Variants in ZNF462 observed in about 807,000 individuals in gnomAD.
ZNF462 encodes zinc finger protein 462.
Under a neutral mutation model 201.9 loss-of-function variants are expected in ZNF462, and 10 were observed. That is an observed-to-expected ratio of 0.05 (90% confidence interval 0.03 to 0.08). The LOEUF (loss-of-function observed/expected upper bound fraction) is 0.08, where lower values mean the gene tolerates loss of function less well. ZNF462 is among the 10% of genes least tolerant of loss of function. ZNF462 has a pLI of 1.00. For synonymous variants in ZNF462, 1,227 were observed against 1,193.3 expected, an observed-to-expected ratio of 1.03 and a Z score of -0.58; for missense variants, 2,523 against 3,168.3, an observed-to-expected ratio of 0.80 and a Z score of 4.89.
At chr9:106,931,608 G>T (rs1029052828) in intron 4 of ZNF462, among the ~76,000 whole-genome samples, 5 of 152,152 alleles carry the variant, frequency 3.3e-5, no homozygotes, top group African/African-American at 1.2e-4. Context: ...ACACCACTGC[G>T]GTGTGTCCCA....
At position 106,984,626 on chromosome 9, in the gene ZNF462, C is replaced by G. The variant is rs540192690; in HGVS notation, c.7056+217C>G. 6.6e-6 allele frequency among the ~76,000 whole-genome samples: 1 copy of G among 152,306 alleles called. No individual in the cohort carries two copies. The highest frequency in any genetic ancestry group is 1.5e-5 in the Non-Finnish European group (1 of 68,018). ...GGTGGAAGGGAAATCACCCATAATT[C>G]TACCACACTAGTCCAAATGCTGAAC... On this transcript the variant is annotated intron_variant, in intron 10 of 12. Transcript: ENST00000277225. This position sits in a 1 kb window ranked among gnomAD's most constrained non-coding sequence, Gnocchi z 6.4.
At position 106,950,805 on chromosome 9, in the gene ZNF462, T is replaced by C. The variant is rs1192810990; in HGVS notation, c.6427+11698T>C. 6.6e-6 allele frequency among the ~76,000 whole-genome samples: 1 copy of C among 152,122 alleles called. No individual in the cohort carries two copies. Among genetic ancestry groups the C allele is most frequent in the Non-Finnish European group, 1.5e-5 (1 of 68,012 alleles). ...ACAATAACTCTTTAAAAAATTAAGT[T>C]CAGGCCAGGCGTGGTGGCTCGCACC... On this transcript the variant is annotated intron_variant, in intron 7 of 12. Coordinates refer to ENST00000277225, the MANE Select transcript of ZNF462 (RefSeq NM_021224.6). This position sits in a 1 kb window ranked among gnomAD's most constrained non-coding sequence, Gnocchi z 4.1.
chr9:106,884,075 A>G (rs1828215679), intron 1 of ZNF462, among the ~76,000 whole-genome samples: 1 of 152,234 alleles, frequency 6.6e-6, no homozygotes, highest in Admixed American at 6.5e-5. Flanking sequence ...TGTGGTATGC[A>G]GCAGTGATTC....
intron 7 of ZNF462, among the ~76,000 whole-genome samples, chr9:106,945,875 G>T (rs1831082812): frequency 6.6e-6 from 1 of 152,226 alleles, no homozygotes; most frequent in Non-Finnish European, 1.5e-5. Context: ...CTCTGCCTCA[G>T]TGGCAAAGAG....
chr9:107,003,623 A>G lies in ZNF462; in HGVS notation c.7189+197A>G, dbSNP rs1292467871. On this transcript the variant is annotated intron_variant, in intron 11 of 12. Coordinates refer to ENST00000277225, the MANE Select transcript of ZNF462 (RefSeq NM_021224.6). This position sits in a 1 kb window ranked among gnomAD's most constrained non-coding sequence, Gnocchi z 4.4. Reference sequence around the variant, plus strand: ...TTACCAGCTATAGAAACGCCAAGGAAAACAGACATTTTCTCCCTAATTATA... The same window carrying G: ...TTACCAGCTATAGAAACGCCAAGGAGAACAGACATTTTCTCCCTAATTATA... Among the ~76,000 whole-genome samples the G allele has an allele frequency of 6.6e-6, 1 of 152,188 alleles. No individual in the cohort carries two copies. The highest frequency in any genetic ancestry group is 1.5e-5 in the Non-Finnish European group (1 of 68,026).
At chr9:106,873,639 G>A (rs1406141968) in intron 1 of ZNF462, among the ~76,000 whole-genome samples, 1 of 152,070 alleles carries the variant, frequency 6.6e-6, no homozygotes, top group Non-Finnish European at 1.5e-5. Flanking sequence ...CCCTTTTTGT[G>A]ATCACCATGT....
chr9:106,944,928 G>A (rs761020441), intron 7 of ZNF462, among the ~76,000 whole-genome samples: 36 of 152,144 alleles, frequency 2.4e-4, no homozygotes, highest in Admixed American at 1.7e-3. Flanking sequence ...CCATTGTAAC[G>A]TGAAAGTAGC....
Position 106,902,516 on chromosome 9 carries a change from T to TGAA in ZNF462, c.-30-20837_-30-20836insAAG, listed in dbSNP as rs1391099885. On this transcript the variant is annotated intron_variant, in intron 1 of 12. Transcript: ENST00000277225. This position sits in a 1 kb window ranked among gnomAD's most constrained non-coding sequence, Gnocchi z 4.2. ...GGACTGGTACAAATTCTTTTTTGAA[T>TGAA]GTCTCGTAGAATTCTGCTGTGAATC... Among the ~76,000 whole-genome samples, 1 of 152,172 alleles carries TGAA rather than the reference T, an allele frequency of 6.6e-6. No individual in the cohort carries two copies. Among genetic ancestry groups the TGAA allele is most frequent in the Non-Finnish European group, 1.5e-5 (1 of 67,994 alleles).
chr9:106,900,711 C>G (rs1487344633), intron 1 of ZNF462, among the ~76,000 whole-genome samples: 1 of 152,076 alleles, frequency 6.6e-6, no homozygotes, highest in Non-Finnish European at 1.5e-5. Flanking sequence ...TATTCATGTC[C>G]TTCACCTACT....
Position 107,006,820 on chromosome 9 carries a change from A to C in ZNF462, c.7190-2725A>C, listed in dbSNP as rs1368224573. On this transcript the variant is annotated intron_variant, in intron 11 of 12. Coordinates refer to ENST00000277225, the MANE Select transcript of ZNF462 (RefSeq NM_021224.6). This position sits in a 1 kb window ranked among gnomAD's most constrained non-coding sequence, Gnocchi z 4.3. ...AAAACCCTGTGCCTGTATTAACCTG[A>C]AAAATACATGGACAAATAAAACATC... is the stretch of plus-strand genomic sequence containing the variant. 6.6e-6 allele frequency among the ~76,000 whole-genome samples: 1 copy of C among 152,196 alleles called. No individual in the cohort carries two copies. Among genetic ancestry groups the C allele is most frequent in the Non-Finnish European group, 1.5e-5 (1 of 68,034 alleles).
At position 106,927,480 on chromosome 9, in the gene ZNF462, A is replaced by G. The variant is rs373555151; in HGVS notation, c.3568A>G (p.Asn1190Asp). 5.0e-5 allele frequency: 81 copies of G among 1,613,446 alleles called. No homozygotes were observed. The highest frequency in any genetic ancestry group is 8.3e-5 in the Admixed American group (5 of 59,956). The change falls in exon 3 of 13, where the codon AAT becomes GAT. Residue 1190 changes from asparagine to aspartate, a missense_variant. Physicochemically the swap from Asn to Asp is conservative, Grantham distance 23. Coordinates refer to ENST00000277225, the MANE Select transcript of ZNF462 (RefSeq NM_021224.6). ...TGAGAGAGATGGCCCTCCTGTGGAG[A>G]ATGAGATGTTCTTTTGCCAGCACTG... ...SSERDGPPVE[N>D]EMFFCQHCDY...
In ZNF462 at chr9:106,930,752, A is replaced by G. The variant is rs547666514; in HGVS notation, c.6012+63A>G. 5.7e-6 allele frequency: 9 copies of G among 1,589,160 alleles called. No homozygotes were observed. Among genetic ancestry groups the G allele is most frequent in the African/African-American group, 1.3e-5 (1 of 74,606 alleles). On this transcript the variant is annotated intron_variant, in intron 4 of 12. Transcript: ENST00000277225. This position sits in a 1 kb window ranked among gnomAD's most constrained non-coding sequence, Gnocchi z 5.8. ...GCGATTCGAGTTACTTATTAACCCCATTGCCTAAAGCAGCTCAGGAAAGAG... is the reference window on the plus strand; with the variant it reads ...GCGATTCGAGTTACTTATTAACCCCGTTGCCTAAAGCAGCTCAGGAAAGAG...
chr9:106,873,377 G>A (rs1827683041), intron 1 of ZNF462, among the ~76,000 whole-genome samples: 1 of 151,410 alleles, frequency 6.6e-6, no homozygotes, highest in Admixed American at 6.6e-5. Flanking sequence ...AGAAAAAAAG[G>A]AGCCACCTAC....
chr9:106,864,086 CTCTCT>C (rs1827201123), intron 1 of ZNF462, among the ~76,000 whole-genome samples: 4 of 134,664 alleles, frequency 3.0e-5, no homozygotes, highest in Admixed American at 1.5e-4. Flanking sequence ...CTCTCTCTCT[CTCTCT>C]CTCTCTCTCT....
rs910708973 is a variant in ZNF462, at chr9:106,933,709, A to G, written c.6116+1160A>G. 4.6e-5 allele frequency among the ~76,000 whole-genome samples: 7 copies of G among 152,214 alleles called. No individual in the cohort carries two copies. Among genetic ancestry groups the G allele is most frequent in the African/African-American group, 1.7e-4 (7 of 41,446 alleles). ...TCTTTGAAAATATCAGTAAAATACTATGATGTGTCAAAGAAGAGAAATGTT... is the reference window on the plus strand; with the variant it reads ...TCTTTGAAAATATCAGTAAAATACTGTGATGTGTCAAAGAAGAGAAATGTT... On this transcript the variant is annotated intron_variant, in intron 5 of 12. Coordinates refer to ENST00000277225, the MANE Select transcript of ZNF462 (RefSeq NM_021224.6). The surrounding 1 kb of genome is among the most constrained non-coding windows in gnomAD (Gnocchi z 4.3).
In ZNF462 at chr9:106,895,580, G is replaced by A. The variant is rs970057096; in HGVS notation, c.-30-27774G>A. Among the ~76,000 whole-genome samples, 12 of 152,268 alleles carry A rather than the reference G, an allele frequency of 7.9e-5. No individual in the cohort carries two copies. Among genetic ancestry groups the A allele is most frequent in the African/African-American group, 2.4e-4 (10 of 41,548 alleles). ...TGATAAGAGATCCCTGTTTCTGTCCGAATGAAGGGAGGGAGGGAAGGCTCT... is the reference window on the plus strand; with the variant it reads ...TGATAAGAGATCCCTGTTTCTGTCCAAATGAAGGGAGGGAGGGAAGGCTCT... On this transcript the variant is annotated intron_variant, in intron 1 of 12. Coordinates refer to ENST00000277225, the MANE Select transcript of ZNF462 (RefSeq NM_021224.6). This position sits in a 1 kb window ranked among gnomAD's most constrained non-coding sequence, Gnocchi z 4.4.
Position 106,925,057 on chromosome 9 carries a change from T to C in ZNF462, c.1145T>C (p.Met382Thr). The C allele has an allele frequency of 6.2e-7, 1 of 1,614,176 alleles. No homozygotes were observed. Among genetic ancestry groups the C allele is most frequent in the South Asian group, 1.1e-5 (1 of 91,084 alleles). Residue 382 changes from methionine (M) to threonine (T), a missense_variant, in exon 3 of 13, where the codon ATG becomes ACG. This residue lies in a region of ZNF462 where 480 missense variants were observed against 544.4 expected (regional missense o/e 0.88). Coordinates refer to ENST00000277225, the MANE Select transcript of ZNF462 (RefSeq NM_021224.6). This position sits in a 1 kb window ranked among gnomAD's most constrained non-coding sequence, Gnocchi z 7.9. ...TCTGCTGACCTGGAAACTAACAGCA[T>C]GCTAAATGACTCTAGTTCTGATGAA... Reference protein sequence around the residue: ...NSSADLETNSMLNDSSSDEEL... With the variant: ...NSSADLETNSTLNDSSSDEEL...
At chr9:106,971,375 A>AAAACAAC (rs1554713163) in intron 7 of ZNF462, among the ~76,000 whole-genome samples, 9 of 151,174 alleles carry the variant, frequency 6.0e-5, no homozygotes, top group Admixed American at 3.3e-4. Flanking sequence ...TTAAAAAAAA[A>AAAACAAC]AACAACAACA....
intron 7 of ZNF462, among the ~76,000 whole-genome samples, chr9:106,952,713 A>G (rs533393410): frequency 1.3e-5 from 2 of 152,358 alleles, no homozygotes; most frequent in African/African-American, 2.4e-5. Context: ...ATCGATGATC[A>G]TTTTTAATTA....
Sources: gnomAD v4.1 joint callset for allele counts (sites outside exome capture counted in the v4.1 genomes callset) on GRCh38, gnomAD v4.1.1 for gene constraint, gnomAD v4.1.1 regional missense constraint, Gnocchi (gnomAD v3.1) non-coding constraint, MANE v1.5 for transcripts, NCBI Gene and HGNC (gene_info 2026-07-23, HGNC 2026-07-21) for gene names.